The following SDK1 variants were observed in gnomAD, a reference collection of about 807,000 sequenced individuals.
SDK1 encodes protein sidekick-1.
In SDK1, 157 loss-of-function variants were observed where a neutral mutation model predicts 245.5. That is an observed-to-expected ratio of 0.64 (90% confidence interval 0.56 to 0.73). The LOEUF (loss-of-function observed/expected upper bound fraction) is 0.73. SDK1 is among the 30% of genes least tolerant of loss of function. SDK1 has a pLI of 0.00. For synonymous variants in SDK1, 1,647 were observed against 1,278.5 expected, an observed-to-expected ratio of 1.29 and a Z score of -6.15; for missense variants, 3,583 against 3,002.3, an observed-to-expected ratio of 1.19 and a Z score of -4.52.
intron 1 of SDK1, among the ~76,000 whole-genome samples, chr7:3,585,192 G>A (rs894250204): frequency 6.6e-6 from 1 of 152,202 alleles, no homozygotes; most frequent in Non-Finnish European, 1.5e-5. Context: ...GACTCTGACT[G>A]AGTGCTAGAG....
chr7:3,994,307 A>G (rs1371678203), intron 14 of SDK1, among the ~76,000 whole-genome samples: 2 of 152,118 alleles, frequency 1.3e-5, no homozygotes. Context: ...CTAAAATAGA[A>G]CTCATCATCT....
intron 5 of SDK1, among the ~76,000 whole-genome samples, chr7:3,939,681 G>T (rs560534195): frequency 4.6e-5 from 7 of 152,278 alleles, no homozygotes; most frequent in African/African-American, 1.7e-4. Flanking sequence ...ACATATATAT[G>T]TGTATGTATA....
intron 5 of SDK1, among the ~76,000 whole-genome samples, chr7:3,822,454 C>T (rs1208252089): frequency 1.3e-5 from 2 of 152,092 alleles, no homozygotes; most frequent in Non-Finnish European, 2.9e-5. Flanking sequence ...TTGAAGGAAT[C>T]GTTTCCCCTG....
intron 1 of SDK1, among the ~76,000 whole-genome samples, chr7:3,407,119 C>G (rs1229692231): frequency 6.6e-6 from 1 of 152,194 alleles, no homozygotes; most frequent in African/African-American, 2.4e-5. Flanking sequence ...GAGACAAGGG[C>G]TACTGCTCTG....
intron 1 of SDK1, among the ~76,000 whole-genome samples, chr7:3,391,408 C>T (rs1447475678): frequency 6.6e-6 from 1 of 152,044 alleles, no homozygotes; most frequent in Non-Finnish European, 1.5e-5. Flanking sequence ...TAAAAGGATG[C>T]CTCATCTTAA....
chr7:3,995,134 A>G (rs955965132), intron 14 of SDK1, among the ~76,000 whole-genome samples: 1 of 152,112 alleles, frequency 6.6e-6, no homozygotes, highest in Non-Finnish European at 1.5e-5. Flanking sequence ...TCTCCGATTT[A>G]TCTCCAGCCA....
chr7:3,654,370 G>T (rs1417607112), intron 4 of SDK1, among the ~76,000 whole-genome samples: 1 of 152,184 alleles, frequency 6.6e-6, no homozygotes, highest in Non-Finnish European at 1.5e-5. Flanking sequence ...GCAGACTGCT[G>T]ATGAGCTCCC....
At chr7:4,224,982 CAAAAAAAAAAAAAAAAAAAAAA>C (rs3038664) in intron 40 of SDK1, among the ~76,000 whole-genome samples, 3 of 43,714 alleles carry the variant, frequency 6.9e-5, no homozygotes, top group Non-Finnish European at 9.3e-5. Context: ...GACTCTGTCT[CAAAAAAAAAAAAAAAAAAAAAA>C]AAAAAAAAAA....
chr7:3,354,720 C>T (rs1439078481), intron 1 of SDK1, among the ~76,000 whole-genome samples: 2 of 152,176 alleles, frequency 1.3e-5, no homozygotes, highest in Non-Finnish European at 1.5e-5. Context: ...AATAGCCCTG[C>T]TAGCTAATAT....
intron 1 of SDK1, among the ~76,000 whole-genome samples, chr7:3,478,319 GAGAT>G (rs1781407909): frequency 6.6e-6 from 1 of 151,826 alleles, no homozygotes; most frequent in Non-Finnish European, 1.5e-5. Context: ...CTTATTTTTT[GAGAT>G]AGATTCACTC....
chr7:3,356,457 T>C (rs1423624712), intron 1 of SDK1, among the ~76,000 whole-genome samples: 1 of 152,176 alleles, frequency 6.6e-6, no homozygotes, highest in Non-Finnish European at 1.5e-5. Flanking sequence ...CTCTGTGTTA[T>C]AATTCATACG....
At chr7:3,327,042 T>C (rs1485745703) in intron 1 of SDK1, among the ~76,000 whole-genome samples, 1 of 152,192 alleles carries the variant, frequency 6.6e-6, no homozygotes, top group African/African-American at 2.4e-5. Flanking sequence ...TAATCTTAAG[T>C]CAGATGTAAA....
At chr7:3,445,003 G>C (rs892669959) in intron 1 of SDK1, among the ~76,000 whole-genome samples, 4 of 152,152 alleles carry the variant, frequency 2.6e-5, no homozygotes, top group African/African-American at 9.7e-5. Context: ...GGTAATACCA[G>C]CAGAGTCAGT....
chr7:3,825,613 C>A (rs1018915443), intron 5 of SDK1, among the ~76,000 whole-genome samples: 1 of 152,146 alleles, frequency 6.6e-6, no homozygotes, highest in East Asian at 1.9e-4. Context: ...GCTGACAAAC[C>A]CTTGCTTTTA....
rs188161776 is a variant in SDK1 at position 3,799,954 on chromosome 7, A to G, written c.714-21496A>G. Among the ~76,000 whole-genome samples the G allele has an allele frequency of 6.2e-3, 937 of 152,198 alleles. 3 individuals are homozygous for G. The highest frequency in any genetic ancestry group is 0.01 in the Non-Finnish European group (695 of 67,994). On this transcript the variant is annotated intron_variant, in intron 4 of 44. Coordinates refer to ENST00000404826, the MANE Select transcript of SDK1 (RefSeq NM_152744.4). ...GGTGAAGTTTTGGGTCCTTGTCTCC[A>G]TGAGATGGAAAAATATTCCTTTCCC...
intron 1 of SDK1, among the ~76,000 whole-genome samples, chr7:3,373,827 A>G (rs1386385706): frequency 2.6e-5 from 4 of 152,190 alleles, no homozygotes; most frequent in Admixed American, 2.6e-4. Context: ...TAGCTTTTGT[A>G]TATATTAACC....
intron 1 of SDK1, among the ~76,000 whole-genome samples, chr7:3,388,745 A>G (rs975778765): frequency 1.3e-5 from 2 of 152,148 alleles, no homozygotes; most frequent in African/African-American, 4.8e-5. Context: ...ATATGTAACT[A>G]TATTATATTA....
At chr7:3,482,386 A>G (rs993823487) in intron 1 of SDK1, among the ~76,000 whole-genome samples, 2 of 152,102 alleles carry the variant, frequency 1.3e-5, no homozygotes, top group Non-Finnish European at 2.9e-5. Context: ...GTCTGCTTTG[A>G]TGGCTGCATG....
intron 36 of SDK1, among the ~76,000 whole-genome samples, chr7:4,206,717 A>G (rs1218466077): frequency 2.6e-5 from 4 of 152,076 alleles, no homozygotes; most frequent in Non-Finnish European, 4.4e-5. Flanking sequence ...CAGGGCCCAT[A>G]AGCATCCGGG....
Sources: gnomAD v4.1 joint callset for allele counts (sites outside exome capture counted in the v4.1 genomes callset) on GRCh38, gnomAD v4.1.1 for gene constraint, MANE v1.5 for transcripts, NCBI Gene and HGNC (gene_info 2026-07-23, HGNC 2026-07-21) for gene names.